The following TMLHE variants were observed in gnomAD, a reference collection of about 807,000 sequenced individuals.
TMLHE encodes trimethyllysine hydroxylase, epsilon.
In TMLHE, 18 loss-of-function variants were observed where a neutral mutation model predicts 25.7. The ratio of observed to expected loss-of-function variants is 0.70; its 90% CI spans 0.48 to 1.04. The LOEUF (loss-of-function observed/expected upper bound fraction) is 1.04. TMLHE is among the 50% of genes least tolerant of loss of function. The pLI is 0.00. For missense variants in TMLHE, 236 were observed against 259.0 expected (o/e 0.91, Z 0.61); for synonymous variants, 105 against 97.0 (o/e 1.08, Z -0.49).
chrX:155,513,007 C>G (rs2067128217), intron 4 of TMLHE, among the ~76,000 whole-genome samples: 1 of 111,411 alleles, frequency 9.0e-6, no homozygotes, highest in Admixed American at 9.6e-5. Context: ...TCCTTTTGAA[C>G]TATCATCCCT....
At chrX:155,522,733 G>A (rs1263903858) in intron 3 of TMLHE, among the ~76,000 whole-genome samples, 1 of 111,948 alleles carries the variant, frequency 8.9e-6, no homozygotes, top group Non-Finnish European at 1.9e-5. Context: ...TTGCTGAGTA[G>A]GATTTTATTG....
At chrX:155,525,416 G>A (rs903028204) in intron 2 of TMLHE, among the ~76,000 whole-genome samples, 1 of 112,190 alleles carries the variant, frequency 8.9e-6, no homozygotes, top group African/African-American at 3.2e-5. Flanking sequence ...GCAGAACTGT[G>A]AGTCAATTAA....
At chrX:155,544,127 A>G (rs936043714) in intron 2 of TMLHE, among the ~76,000 whole-genome samples, 2 of 111,550 alleles carry the variant, frequency 1.8e-5, no homozygotes, top group African/African-American at 3.3e-5. Context: ...TTTGGAGTGC[A>G]TAGTGGGCCT....
At chrX:155,510,477 C>T (rs1450858892) in intron 5 of TMLHE, among the ~76,000 whole-genome samples, 1 of 98,212 alleles carries the variant, frequency 1.0e-5, no homozygotes, top group Non-Finnish European at 2.0e-5. Flanking sequence ...TCAATTCCCA[C>T]CTATGAGTGA....
chrX:155,543,169 T>C (rs1557338376), intron 2 of TMLHE, among the ~76,000 whole-genome samples: 1 of 111,037 alleles, frequency 9.0e-6, no homozygotes, highest in Non-Finnish European at 1.9e-5. Flanking sequence ...CTTCCTACTC[T>C]TACTCCACAT....
intron 1 of TMLHE, among the ~76,000 whole-genome samples, chrX:155,551,439 T>A (rs2067415022): frequency 2.0e-5 from 2 of 100,796 alleles, no homozygotes; most frequent in African/African-American, 7.5e-5. Context: ...TTCTAGATCC[T>A]TGAGGAATTG....
intron 1 of TMLHE, among the ~76,000 whole-genome samples, chrX:155,602,092 A>C (rs1315510316): frequency 9.0e-6 from 1 of 111,416 alleles, no homozygotes; most frequent in Non-Finnish European, 1.9e-5. Flanking sequence ...ATAAGAAAAG[A>C]AGCCTACAAT....
intron 1 of TMLHE, among the ~76,000 whole-genome samples, chrX:155,585,092 TATG>T (rs1172677593): frequency 9.0e-6 from 1 of 110,940 alleles, no homozygotes; most frequent in Non-Finnish European, 1.9e-5. Context: ...CAATTAACAA[TATG>T]ATAAGAACAA....
At chrX:155,533,934 G>A (rs1298760377) in intron 2 of TMLHE, among the ~76,000 whole-genome samples, 1 of 111,884 alleles carries the variant, frequency 8.9e-6, no homozygotes, top group African/African-American at 3.2e-5. Context: ...AAAAGATTTA[G>A]AAAATTCTCA....
intron 1 of TMLHE, among the ~76,000 whole-genome samples, chrX:155,584,307 G>GA (rs1331940951): frequency 6.6e-5 from 7 of 106,017 alleles, no homozygotes; most frequent in African/African-American, 2.4e-4. Context: ...AATCCAGTCA[G>GA]AAAAAAAAAT....
At chrX:155,539,140 C>T (rs2067296704) in intron 2 of TMLHE, among the ~76,000 whole-genome samples, 1 of 111,388 alleles carries the variant, frequency 9.0e-6, no homozygotes, top group South Asian at 3.7e-4. Flanking sequence ...GAGAGGAAAC[C>T]CCTACCTCCT....
intron 1 of TMLHE, among the ~76,000 whole-genome samples, chrX:155,569,228 G>A (rs2067531868): frequency 1.8e-5 from 1 of 57,099 alleles, no homozygotes; most frequent in African/African-American, 4.2e-5. Flanking sequence ...TGGAAGAAAG[G>A]GTATCAGTGA....
chrX:155,573,565 G>A lies in TMLHE; in HGVS notation c.-1-28288C>T, dbSNP rs75860036. 1.6e-3 allele frequency among the ~76,000 whole-genome samples: 91 copies of A among 56,013 alleles called. 24 individuals carry two copies. Among genetic ancestry groups the A allele is most frequent in the Admixed American group, 2.8e-3 (13 of 4,702 alleles). The allele number at this position is 56,013 out of a possible 115,157, so 48.6% of individuals were successfully genotyped here. ...TTATTGCGGCACTATTCACAATAGCGAAGACTTGGAACCAACCCAAATGTC... is the reference window on the plus strand; with the variant it reads ...TTATTGCGGCACTATTCACAATAGCAAAGACTTGGAACCAACCCAAATGTC... On this transcript the variant is annotated intron_variant, in intron 1 of 7. Coordinates refer to ENST00000334398, the MANE Select transcript of TMLHE (RefSeq NM_018196.4).
At chrX:155,555,602 T>G (rs1557340670) in intron 1 of TMLHE, among the ~76,000 whole-genome samples, 3 of 109,650 alleles carry the variant, frequency 2.7e-5, no homozygotes, top group African/African-American at 1.0e-4. Flanking sequence ...TCATTGTGGT[T>G]TTGATTTGCA....
At chrX:155,590,950 A>G (rs2067690438) in intron 1 of TMLHE, among the ~76,000 whole-genome samples, 1 of 111,403 alleles carries the variant, frequency 9.0e-6, no homozygotes, top group Non-Finnish European at 1.9e-5. Flanking sequence ...GAAAAAATAT[A>G]TATCTAACTA....
At chrX:155,560,333 G>A (rs960053670) in intron 1 of TMLHE, among the ~76,000 whole-genome samples, 5 of 110,162 alleles carry the variant, frequency 4.5e-5, no homozygotes, top group Admixed American at 2.0e-4. Flanking sequence ...TATTTGTCGG[G>A]TGTCTACTTT....
intron 1 of TMLHE, chrX:155,612,146 T>C (rs1557348409): frequency 8.9e-6 from 1 of 111,930 alleles, no homozygotes; most frequent in Non-Finnish European, 1.9e-5. Flanking sequence ...ATTCAATTAA[T>C]GGTTTGAATG....
chrX:155,554,052 G>C (rs1329423997), intron 1 of TMLHE, among the ~76,000 whole-genome samples: 3 of 109,296 alleles, frequency 2.7e-5, no homozygotes, highest in Non-Finnish European at 5.7e-5. Context: ...TGTCACCCAG[G>C]CTGGAGTGCA....
chrX:155,514,204 C>T lies in TMLHE; in HGVS notation c.420G>A (p.Gly140=). 1 of 1,210,208 alleles carries T rather than the reference C, an allele frequency of 8.3e-7. No individual in the cohort carries two copies. Among genetic ancestry groups the T allele is most frequent in the Non-Finnish European group, 1.1e-6 (1 of 894,599 alleles). ...TAGGCTGGATGACTTTTTGTTTCTGCCCTTCATAGCTGTTTTTCACCAGCC... is the reference window on the plus strand; with the variant it reads ...TAGGCTGGATGACTTTTTGTTTCTGTCCTTCATAGCTGTTTTTCACCAGCC... ...LNWLVKNSYE[G]QKQKVIQPRI... The change falls in exon 4 of 8, where the codon GGG becomes GGA. Residue 140 remains glycine (G), a synonymous_variant. Coordinates refer to ENST00000334398, the MANE Select transcript of TMLHE (RefSeq NM_018196.4).
Sources: allele counts gnomAD v4.1 joint callset (sites outside exome capture counted in the v4.1 genomes callset), GRCh38; gene constraint gnomAD v4.1.1; transcripts MANE v1.5; gene names NCBI Gene and HGNC (gene_info 2026-07-23, HGNC 2026-07-21).